KRT8: variants seen among roughly 807,000 people sequenced by gnomAD.
KRT8 encodes the protein keratin, type II cytoskeletal 8.
Under a neutral mutation model 43.0 loss-of-function variants are expected in KRT8, and 24 were observed. The observed-to-expected ratio is 0.56, with a 90% CI of 0.40 to 0.78. The LOEUF (loss-of-function observed/expected upper bound fraction) is 0.78, where lower values mean the gene tolerates loss of function less well. Among genes scored for constraint, KRT8 ranks in the 30% least tolerant of loss-of-function variants. The probability of loss-of-function intolerance (pLI) is 0.00; values close to 1 mark genes in which losing one functional copy is unlikely to be tolerated. For synonymous variants in KRT8, 214 were observed against 261.2 expected (o/e 0.82, Z 1.74); for missense variants, 492 against 638.4 (o/e 0.77, Z 2.47).
At chr12:52,932,054 C>T (rs937484751) in intron 2 of KRT8, among the ~76,000 whole-genome samples, 1 of 152,030 alleles carries the variant, frequency 6.6e-6, no homozygotes, top group Non-Finnish European at 1.5e-5. Context: ...GCCTCTGCTT[C>T]CCAAATTGTT....
At chr12:52,898,073 G>A (rs1941259319) in intron 7 of KRT8, among the ~76,000 whole-genome samples, 1 of 152,194 alleles carries the variant, frequency 6.6e-6, no homozygotes, top group African/African-American at 2.4e-5. Context: ...CCTGAGGCAG[G>A]AGAATCTCTT....
intron 1 of KRT8, among the ~76,000 whole-genome samples, chr12:52,903,926 C>A (rs1321269733): frequency 1.4e-5 from 2 of 142,584 alleles, no homozygotes; most frequent in African/African-American, 5.2e-5. Flanking sequence ...TGGAGGAGAG[C>A]GTCCCGAGAC....
chr12:52,930,715 C>G (rs1297785722), intron 2 of KRT8, among the ~76,000 whole-genome samples: 1 of 151,986 alleles, frequency 6.6e-6, no homozygotes, highest in Admixed American at 6.6e-5. Context: ...CATGCACCAC[C>G]ACACCTGGCT....
At chr12:52,948,748 C>T (rs1942396616) in intron 2 of KRT8, 1 of 401,626 alleles carries the variant, frequency 2.5e-6, no homozygotes, top group Non-Finnish European at 4.4e-6. Flanking sequence ...CCTAGGCCTC[C>T]CAAAGTGCTG....
intron 2 of KRT8, among the ~76,000 whole-genome samples, chr12:52,945,246 C>T (rs1055960846): frequency 1.3e-5 from 2 of 152,082 alleles, no homozygotes; most frequent in East Asian, 1.9e-4. Flanking sequence ...ATGGGTATAC[C>T]CTCCACTGAG....
At chr12:52,911,416 T>G (rs536836830), upstream of KRT8, among the ~76,000 whole-genome samples, 1 of 152,252 alleles carries the variant, frequency 6.6e-6, no homozygotes, top group East Asian at 1.9e-4. Flanking sequence ...GATGGCTGAC[T>G]ATATACTGGG....
intron 2 of KRT8, among the ~76,000 whole-genome samples, chr12:52,932,044 G>A (rs372674710): frequency 5.9e-4 from 90 of 151,626 alleles, no homozygotes; most frequent in African/African-American, 1.8e-3. Context: ...TAATCTGCCC[G>A]CCTCTGCTTC....
chr12:52,926,546 C>A, intron 2 of KRT8: 1 of 1,222,818 alleles, frequency 8.2e-7, no homozygotes, highest in Non-Finnish European at 1.2e-6. Context: ...CCTATAGAGA[C>A]CCCAAGAATA....
At chr12:52,933,708 T>G (rs1479524353) in intron 2 of KRT8, among the ~76,000 whole-genome samples, 1 of 152,014 alleles carries the variant, frequency 6.6e-6, no homozygotes, top group Non-Finnish European at 1.5e-5. Context: ...CACTGCAAAC[T>G]CCGCCTCCCG....
At chr12:52,900,461 A>C in intron 4 of KRT8, 127 bp downstream of exon 4, 1 of 730,710 alleles carries the variant, frequency 1.4e-6, no homozygotes. Context: ...TGGTGGCTGT[A>C]ATTAGTCAGC....
At chr12:52,937,460 G>T (rs1942186678) in intron 2 of KRT8, among the ~76,000 whole-genome samples, 1 of 151,920 alleles carries the variant, frequency 6.6e-6, no homozygotes, top group South Asian at 2.1e-4. Context: ...GGCTGAGGCG[G>T]GAGTATTGCT....
chr12:52,906,094 A>G (rs752331014), upstream of KRT8, among the ~76,000 whole-genome samples: 74 of 152,062 alleles, frequency 4.9e-4, no homozygotes, highest in Non-Finnish European at 9.9e-4. Flanking sequence ...GAAAAAAAAG[A>G]GCGAGATCCA....
chr12:52,945,070 A>G lies in KRT8; in HGVS notation c.-47+4386T>C, dbSNP rs139681379. On this transcript the variant is annotated intron_variant, in intron 2 of 6. Coordinates refer to the KRT8 transcript ENST00000546826. Reference sequence around the variant, plus strand: ...TTTATTAATTACTTAAACCTAAAGTATTTACGGAGCTCCACCTATGTGCCA... The same window carrying G: ...TTTATTAATTACTTAAACCTAAAGTGTTTACGGAGCTCCACCTATGTGCCA... Among the ~76,000 whole-genome samples, 475 of 152,294 alleles carry G rather than the reference A, an allele frequency of 3.1e-3. 2 individuals carry two copies. The highest frequency in any genetic ancestry group is 0.012 in the South Asian group (59 of 4,826).
In KRT8 at chr12:52,940,528, T is replaced by C. The variant is rs73112442; in HGVS notation, c.-47+8928A>G. On this transcript the variant is annotated intron_variant, in intron 2 of 6. Coordinates refer to the KRT8 transcript ENST00000546826. ...CAACATTATGGAAAGGGAAAAGCTA[T>C]GAGGACAGAGAACAGATCAGTGGTT... Among the ~76,000 whole-genome samples the C allele has an allele frequency of 8.0e-4, 121 of 151,432 alleles. 2 individuals are homozygous for C. The highest frequency in any genetic ancestry group is 3.1e-3 in the East Asian group (16 of 5,150).
chr12:52,945,635 G>A (rs1292121804), intron 2 of KRT8, among the ~76,000 whole-genome samples: 1 of 152,088 alleles, frequency 6.6e-6, no homozygotes, highest in Non-Finnish European at 1.5e-5. Flanking sequence ...CACCCCTATC[G>A]GGTCATCTCT....
At chr12:52,947,810 CA>C (rs1421827671) in intron 2 of KRT8, 1 of 151,174 alleles carries the variant, frequency 6.6e-6, no homozygotes, top group African/African-American at 2.4e-5. Context: ...CTCGGCCTCC[CA>C]AAGTGCTTGG....
chr12:52,918,274 C>T (rs954534275), intron 2 of KRT8, among the ~76,000 whole-genome samples: 4 of 143,912 alleles, frequency 2.8e-5, no homozygotes, highest in South Asian at 2.3e-4. Flanking sequence ...ACAGAGTCTG[C>T]GTCAACTGGG....
rs761182945 is a variant in KRT8, at chr12:52,899,774, C to T, written c.981+1G>A. ...CCTCCCACCCCCAACCCGGCCCATA[C>T]CTGGCCTTTGAGGCCCTCAATCTCA... On this transcript the variant is annotated splice_donor_variant, in intron 5 of 7. Transcript: ENST00000692008. LOFTEE classifies it high-confidence loss of function. The T allele has an allele frequency of 1.9e-6, 3 of 1,563,536 alleles. No homozygotes were observed. The highest frequency in any genetic ancestry group is 3.4e-5 in the Admixed American group (2 of 59,434).
At chr12:52,937,955 G>T (rs531275345) in intron 2 of KRT8, among the ~76,000 whole-genome samples, 49 of 145,308 alleles carry the variant, frequency 3.4e-4, no homozygotes, top group African/African-American at 1.2e-3. Context: ...AGCCGAGATC[G>T]TGCCATTGCA....
Sources: gnomAD v4.1 joint callset for allele counts (sites outside exome capture counted in the v4.1 genomes callset) on GRCh38, gnomAD v4.1.1 for gene constraint, MANE v1.5 for transcripts, NCBI Gene and HGNC (gene_info 2026-07-23, HGNC 2026-07-21) for gene names.